PNPLA7: variants seen among roughly 807,000 people sequenced by gnomAD.
PNPLA7 encodes patatin-like phospholipase domain-containing protein 7.
PNPLA7 carries 153 observed loss-of-function variants against 161.7 expected under a neutral mutation model. The observed-to-expected ratio is 0.95, with a 90% CI of 0.83 to 1.08. PNPLA7 has a LOEUF of 1.08. Ranked by LOEUF, PNPLA7 falls within the 50% of genes least tolerant of loss-of-function variation. PNPLA7 has a pLI of 0.00. For synonymous variants in PNPLA7, 809 were observed against 782.1 expected, an observed-to-expected ratio of 1.03 and a Z score of -0.57; for missense variants, 1,739 against 1,856.6, an observed-to-expected ratio of 0.94 and a Z score of 1.16.
At chr9:137,487,882 C>T (rs960777118) in intron 20 of PNPLA7, among the ~76,000 whole-genome samples, 2 of 152,230 alleles carry the variant, frequency 1.3e-5, no homozygotes, top group Admixed American at 6.5e-5. Context: ...GAGGTGTCCC[C>T]AGCATCACCT....
At chr9:137,509,065 T>C (rs1463094889) in intron 12 of PNPLA7, 1 of 153,896 alleles carries the variant, frequency 6.5e-6, no homozygotes. Context: ...GGGCGGCCAG[T>C]GAGCACCTGA....
chr9:137,518,992 A>T (rs1834836323), intron 11 of PNPLA7, among the ~76,000 whole-genome samples: 1 of 110,700 alleles, frequency 9.0e-6, no homozygotes, highest in Non-Finnish European at 1.8e-5. Flanking sequence ...TCCCCCACTC[A>T]CTCACTCCAC....
At position 137,520,067 on chromosome 9, in the gene PNPLA7, G is replaced by A. The variant is rs1165687269; in HGVS notation, c.958-24C>T. ...TCCTGGGACACAAGAAGGAAGTTCAGTGCCACCCCAGGAACACCCCACACC... is the reference window on the plus strand; with the variant it reads ...TCCTGGGACACAAGAAGGAAGTTCAATGCCACCCCAGGAACACCCCACACC... On this transcript the variant is annotated intron_variant, in intron 10 of 34. Coordinates refer to ENST00000406427, the MANE Select transcript of PNPLA7 (RefSeq NM_001098537.3). The surrounding 1 kb of genome is among the most constrained non-coding windows in gnomAD (Gnocchi z 5.2). 6.2e-7 allele frequency: 1 copy of A among 1,610,884 alleles called. No homozygotes were observed. Among genetic ancestry groups the A allele is most frequent in the Admixed American group, 1.7e-5 (1 of 59,958 alleles).
intron 14 of PNPLA7, 27 bp from the exon 15 acceptor site, chr9:137,501,754 C>T: frequency 6.2e-7 from 1 of 1,607,728 alleles, no homozygotes; most frequent in Non-Finnish European, 8.5e-7. Context: ...CTTCAGGGAA[C>T]ACGGGCGGGA....
chr9:137,471,474 C>T (rs1429057251), intron 25 of PNPLA7, among the ~76,000 whole-genome samples: 1 of 151,684 alleles, frequency 6.6e-6, no homozygotes, highest in African/African-American at 2.4e-5. Context: ...TGGCAGGCAC[C>T]TGTAATCCCA....
intron 8 of PNPLA7, among the ~76,000 whole-genome samples, chr9:137,526,642 A>G (rs1835317874): frequency 6.6e-6 from 1 of 152,212 alleles, no homozygotes; most frequent in Non-Finnish European, 1.5e-5. Flanking sequence ...GGGTCACAGG[A>G]ATCCCTGAAG....
Position 137,500,645 on chromosome 9 carries a change from AGGGGGGGCT to A in PNPLA7, c.1757+37_1757+45del, listed in dbSNP as rs1564317152. 1.9e-6 allele frequency: 3 copies of A among 1,558,642 alleles called. No homozygotes were observed. Among genetic ancestry groups the A allele is most frequent in the Non-Finnish European group, 2.6e-6 (3 of 1,142,300 alleles). ...GCCACGCGGGGAGGGGTCTCAGGGC[AGGGGGGGCT>A]GGGGCCCGCCCTGAGGTCCTGGCCC... On this transcript the variant is annotated intron_variant, in intron 16 of 34. Coordinates refer to ENST00000406427, the MANE Select transcript of PNPLA7 (RefSeq NM_001098537.3). The surrounding 1 kb of genome is among the most constrained non-coding windows in gnomAD (Gnocchi z 5.5).
rs1466875308 is a variant in PNPLA7 at position 137,485,000 on chromosome 9, TCCC to T, written c.2198-267_2198-265del. 2.0e-5 allele frequency among the ~76,000 whole-genome samples: 3 copies of T among 151,850 alleles called. No homozygotes were observed. In the East Asian group the frequency reaches 5.8e-4, roughly 30 times the overall value. The stretch of plus-strand genomic sequence containing the variant: ...TCAGGGGCTGCCTGGACCTCATGCC[TCCC>T]CCAACCCTCAGAGGCTACCTGGGCC... On this transcript the variant is annotated intron_variant, in intron 20 of 34. Transcript: ENST00000406427.
intron 11 of PNPLA7, among the ~76,000 whole-genome samples, chr9:137,518,323 C>T (rs191753625): frequency 2.3e-4 from 27 of 116,702 alleles, no homozygotes; most frequent in East Asian, 5.8e-4. Context: ...ACTCCATCCC[C>T]CACTCACTCA....
intron 14 of PNPLA7, among the ~76,000 whole-genome samples, chr9:137,503,616 G>GAGGGAGA (rs1833645804): frequency 7.1e-6 from 1 of 140,966 alleles, no homozygotes; most frequent in Non-Finnish European, 1.6e-5. Context: ...GAAGAAGGAG[G>GAGGGAGA]AGGGAGAAGG....
At chr9:137,491,199 G>A (rs937612751) in intron 20 of PNPLA7, among the ~76,000 whole-genome samples, 1 of 152,196 alleles carries the variant, frequency 6.6e-6, no homozygotes, top group Non-Finnish European at 1.5e-5. Context: ...GTTAGAGGCT[G>A]CAGGGAGCTA....
intron 20 of PNPLA7, chr9:137,491,856 TG>T: frequency 1.0e-6 from 1 of 984,668 alleles, no homozygotes; most frequent in Non-Finnish European, 1.2e-6. Context: ...GTGTCGGGGG[TG>T]ACAAGCACAG....
chr9:137,497,180 C>A lies in PNPLA7; in HGVS notation c.2013+7G>T. ...TGGGGGAGGCAGGAGCAGGGCCCAG[C>A]ACCTACCACGCCGACGAGGTCTCCT... On this transcript the variant is annotated splice_region_variant and intron_variant, in intron 18 of 34. Transcript: ENST00000406427. The A allele has an allele frequency of 6.4e-7, 1 of 1,568,140 alleles. No homozygotes were observed. Among genetic ancestry groups the A allele is most frequent in the Non-Finnish European group, 8.6e-7 (1 of 1,158,638 alleles).
chr9:137,481,080 A>ACAAGGCACCGACACCCAG, intron 21 of PNPLA7, 57 bp from the exon 22 acceptor site: 1 of 1,526,816 alleles, frequency 6.5e-7, no homozygotes, highest in Non-Finnish European at 8.9e-7. Context: ...TCCAACGCCA[A>ACAAGGCACCGACACCCAG]CAAGGCACCG....
chr9:137,546,687 G>A, intron 4 of PNPLA7, 143 bp downstream of exon 4: 1 of 688,926 alleles, frequency 1.5e-6, no homozygotes, highest in Non-Finnish European at 2.5e-6. Context: ...CCCTGAGCCT[G>A]GTGGCAGAGC....
At chr9:137,480,193 T>C (rs1832143601) in intron 23 of PNPLA7, 119 bp downstream of exon 23, 1 of 1,359,500 alleles carries the variant, frequency 7.4e-7, no homozygotes, top group African/African-American at 1.5e-5. Flanking sequence ...TATCTGAGTG[T>C]TGGCTCTTAT....
chr9:137,469,989 T>G (rs1485981991), intron 25 of PNPLA7, among the ~76,000 whole-genome samples: 2 of 152,206 alleles, frequency 1.3e-5, no homozygotes. Context: ...TGAGTAGTAC[T>G]GTAACTCAGT....
intron 25 of PNPLA7, among the ~76,000 whole-genome samples, chr9:137,475,577 T>C (rs898699228): frequency 6.6e-6 from 1 of 152,082 alleles, no homozygotes; most frequent in African/African-American, 2.4e-5. Context: ...GGTTTCACCA[T>C]GTTAGCCAGG....
At position 137,519,252 on chromosome 9, in the gene PNPLA7, A is replaced by C. The variant is rs12341819; in HGVS notation, c.1084+665T>G. ...CATCTGTAGGGTGGCTGTTAACTCC[A>C]TCACACAGATCGTCGTGGGGTGACT... On this transcript the variant is annotated intron_variant, in intron 11 of 34. Coordinates refer to ENST00000406427, the MANE Select transcript of PNPLA7 (RefSeq NM_001098537.3). Among the ~76,000 whole-genome samples the C allele has an allele frequency of 7.9e-5, 12 of 152,356 alleles. No homozygotes were observed. The South Asian group carries it at 2.5e-3, about 32-fold the overall frequency.
Sources: allele counts gnomAD v4.1 joint callset (sites outside exome capture counted in the v4.1 genomes callset), GRCh38; gene constraint gnomAD v4.1.1; non-coding constraint Gnocchi (gnomAD v3.1); transcripts MANE v1.5; gene names NCBI Gene and HGNC (gene_info 2026-07-23, HGNC 2026-07-21).